The following AMOTL1 variants were observed in gnomAD, a reference collection of about 807,000 sequenced individuals.
The protein encoded by AMOTL1 is angiomotin like 1.
A neutral mutation model predicts 102.9 loss-of-function variants in AMOTL1; 45 were observed. The ratio of observed to expected loss-of-function variants is 0.44; its 90% CI spans 0.34 to 0.56. The LOEUF (loss-of-function observed/expected upper bound fraction) is 0.56, where lower values mean the gene tolerates loss of function less well. AMOTL1 is among the 20% of genes least tolerant of loss of function. AMOTL1 has a pLI of 0.01. For synonymous variants in AMOTL1, 481 were observed against 484.7 expected, an observed-to-expected ratio of 0.99 and a Z score of 0.10; for missense variants, 1,114 against 1,225.6, an observed-to-expected ratio of 0.91 and a Z score of 1.36.
chr11:94,776,440 T>G (rs1951026715), intron 1 of AMOTL1, among the ~76,000 whole-genome samples: 1 of 152,224 alleles, frequency 6.6e-6, no homozygotes. Context: ...TCTTCCCACT[T>G]CTGTTTTCTT....
chr11:94,747,268 G>T, intron 3 of AMOTL1, among the ~76,000 whole-genome samples: 1 of 152,088 alleles, frequency 6.6e-6, no homozygotes, highest in East Asian at 1.9e-4. Flanking sequence ...ATAATTTGTT[G>T]CCCTTTGGGG....
In AMOTL1 at chr11:94,830,114, G is replaced by A. The variant is rs1336157579; in HGVS notation, c.1478G>A (p.Arg493Gln). 5.6e-6 allele frequency: 9 copies of A among 1,610,720 alleles called. No individual in the cohort carries two copies. The Admixed American group carries it at 6.7e-5, about 12-fold the overall frequency. Residue 493 changes from arginine (R) to glutamine (Q), a missense_variant, in exon 5 of 13, where the codon CGA (arginine) becomes CAA (glutamine). Physicochemically the swap from Arg to Gln is conservative, Grantham distance 43. Transcript: ENST00000433060. ...YESLVKSTTK[R>Q]ESLDKAMRNK... ...AGTCTGGTCAAGTCTACCACCAAGC[G>A]AGAATCGCTGGACAAGGCCATGAGA...
intron 3 of AMOTL1, among the ~76,000 whole-genome samples, chr11:94,747,037 C>T (rs1458055030): frequency 6.6e-6 from 1 of 152,092 alleles, no homozygotes; most frequent in Non-Finnish European, 1.5e-5. Context: ...ATCCTTTCTT[C>T]TGTGACCTCT....
intron 3 of AMOTL1, among the ~76,000 whole-genome samples, chr11:94,804,210 G>A (rs545306162): frequency 2.6e-5 from 4 of 152,164 alleles, no homozygotes; most frequent in East Asian, 1.9e-4. Flanking sequence ...AAAATATTAC[G>A]GTGCCTGTTT....
In AMOTL1 at chr11:94,771,267, G is replaced by GGC. The variant is rs749331284; in HGVS notation, c.49+2708_49+2709insCG. On this transcript the variant is annotated intron_variant, in intron 1 of 12. Coordinates refer to ENST00000433060, the MANE Select transcript of AMOTL1 (RefSeq NM_130847.3). ...TTTCTTTTTGGCGGGGTTGGGGGGG[G>GGC]GGTGCGGTGTGTGGCTATCTGCATT... 3.9e-4 allele frequency among the ~76,000 whole-genome samples: 56 copies of GGC among 143,330 alleles called. 4 individuals carry two copies. Among genetic ancestry groups the GGC allele is most frequent in the Non-Finnish European group, 5.9e-4 (38 of 64,722 alleles). The allele number at this position is 143,330 out of a possible 152,430, so 94.0% of individuals were successfully genotyped here.
chr11:94,782,791 T>C (rs1282628183), intron 1 of AMOTL1, among the ~76,000 whole-genome samples: 1 of 152,200 alleles, frequency 6.6e-6, no homozygotes, highest in Non-Finnish European at 1.5e-5. Flanking sequence ...AATCAAAAAT[T>C]ATATAACAAC....
At chr11:94,707,214 G>GTC (rs56290112) in intron 1 of AMOTL1, among the ~76,000 whole-genome samples, 45 of 132,332 alleles carry the variant, frequency 3.4e-4, no homozygotes, top group African/African-American at 1.3e-3. Context: ...TATACATGAG[G>GTC]TCTCTCTCTC....
chr11:94,742,671 T>TA (rs1398969225), intron 3 of AMOTL1, among the ~76,000 whole-genome samples: 35 of 152,338 alleles, frequency 2.3e-4, no homozygotes, highest in African/African-American at 8.4e-4. Flanking sequence ...ATGAGGAGAT[T>TA]AGAGTGTGTG....
In AMOTL1 at chr11:94,859,598, A is replaced by G. The variant is rs1215371101; in HGVS notation, c.2018A>G (p.Lys673Arg). ...APALLELVRE[K>R]EERILALEAD... ...GCCCTCCTGGAACTTGTGCGGGAGA[A>G]GGAGGAGCGGATCCTGGCCCTGGAG... Residue 673 changes from lysine to arginine, a missense_variant, in exon 9 of 13, where the codon AAG (lysine) becomes AGG (arginine). Lys to Arg is a conservative substitution (Grantham distance 26). Coordinates refer to ENST00000433060, the MANE Select transcript of AMOTL1 (RefSeq NM_130847.3). The G allele has an allele frequency of 2.5e-6, 4 of 1,613,878 alleles. No homozygotes were observed. The highest frequency in any genetic ancestry group is 1.1e-5 in the South Asian group (1 of 91,068).
chr11:94,845,536 G>T (rs1565378635), intron 6 of AMOTL1, among the ~76,000 whole-genome samples: 2 of 152,228 alleles, frequency 1.3e-5, no homozygotes, highest in Admixed American at 1.3e-4. Flanking sequence ...ATCAAGTATA[G>T]TACTATGTGC....
intron 3 of AMOTL1, among the ~76,000 whole-genome samples, chr11:94,754,076 A>T (rs1413275229): frequency 6.6e-6 from 1 of 152,142 alleles, no homozygotes; most frequent in African/African-American, 2.4e-5. Context: ...GCAAATATCT[A>T]CTTCATAGGG....
intron 1 of AMOTL1, among the ~76,000 whole-genome samples, chr11:94,792,541 C>T (rs1043120872): frequency 6.6e-6 from 1 of 152,228 alleles, no homozygotes; most frequent in African/African-American, 2.4e-5. Context: ...TGTCTCTTGG[C>T]TTTAGACGAG....
intron 3 of AMOTL1, among the ~76,000 whole-genome samples, chr11:94,747,719 C>T (rs1950606317): frequency 6.6e-6 from 1 of 152,160 alleles, no homozygotes; most frequent in Non-Finnish European, 1.5e-5. Flanking sequence ...GTAGAGTTGT[C>T]AGAGGGCTGT....
At chr11:94,860,688 C>T (rs953582717) in intron 9 of AMOTL1, among the ~76,000 whole-genome samples, 1 of 152,126 alleles carries the variant, frequency 6.6e-6, no homozygotes, top group East Asian at 1.9e-4. Context: ...TTGGAATTCA[C>T]AATTCAGGAT....
At chr11:94,798,928 G>A (rs1466166933) in intron 2 of AMOTL1, among the ~76,000 whole-genome samples, 3 of 152,106 alleles carry the variant, frequency 2.0e-5, no homozygotes, top group African/African-American at 7.2e-5. Context: ...ATTTGGGAAG[G>A]GGAGACAGCA....
chr11:94,836,036 G>A (rs975002444), intron 6 of AMOTL1, among the ~76,000 whole-genome samples: 8 of 152,002 alleles, frequency 5.3e-5, no homozygotes, highest in Non-Finnish European at 7.4e-5. Context: ...AGCTATTTTC[G>A]TTTTCTGTCT....
chr11:94,798,077 G>A (rs2135567990), intron 2 of AMOTL1, among the ~76,000 whole-genome samples: 1 of 152,314 alleles, frequency 6.6e-6, no homozygotes, highest in South Asian at 2.1e-4. Flanking sequence ...GTGTTGCTGA[G>A]AGCTTGTAAT....
Position 94,821,531 on chromosome 11 carries a change from C to T in AMOTL1, c.1123C>T (p.Arg375Cys), listed in dbSNP as rs529834697. 16 of 1,611,918 alleles carry T rather than the reference C, an allele frequency of 9.9e-6. No homozygotes were observed. Among genetic ancestry groups the T allele is most frequent in the East Asian group, 6.7e-5 (3 of 44,824 alleles). Residue 375 changes from arginine to cysteine, a missense_variant and splice_region_variant, in exon 4 of 13, where the codon CGC becomes TGC. By Grantham distance (180) the Arg-to-Cys change is radical. Coordinates refer to ENST00000433060, the MANE Select transcript of AMOTL1 (RefSeq NM_130847.3). ...CTGCTGCCTTCCATTGCCTTGCAGC[C>T]GCCCATGCCAACTTCCGTTCCCATC... is the stretch of plus-strand genomic sequence containing the variant. ...QPPPEYGVTS[R>C]PCQLPFPSTM...
chr11:94,870,719 A>G lies in AMOTL1; in HGVS notation c.2795A>G (p.Asp932Gly). The change falls in exon 13 of 13, where the codon GAC becomes GGC. Residue 932 changes from aspartate to glycine, a missense_variant. Transcript: ENST00000433060. The stretch of plus-strand genomic sequence containing the variant: ...TCTCCTGGCCATGGGAAGTCGCCTG[A>G]CCACAGAGGCCGGGTCAGCAGCTTG... ...ENSPGHGKSP[D>G]HRGRVSSLLH... The G allele has an allele frequency of 6.9e-6, 11 of 1,604,034 alleles. No homozygotes were observed. The highest frequency in any genetic ancestry group is 7.7e-6 in the Non-Finnish European group (9 of 1,174,476).
Sources: allele counts gnomAD v4.1 joint callset (sites outside exome capture counted in the v4.1 genomes callset), GRCh38; gene constraint gnomAD v4.1.1; transcripts MANE v1.5; gene names NCBI Gene and HGNC (gene_info 2026-07-23, HGNC 2026-07-21).